The following ASH1L variants were observed in gnomAD, a reference collection of about 807,000 sequenced individuals.
ASH1L encodes histone-lysine N-methyltransferase ASH1L.
Under a neutral mutation model 269.0 loss-of-function variants are expected in ASH1L, and 23 were observed. The ratio of observed to expected loss-of-function variants is 0.09; its 90% CI spans 0.06 to 0.12. The LOEUF (loss-of-function observed/expected upper bound fraction) is 0.12. Among genes scored for constraint, ASH1L ranks in the 10% least tolerant of loss-of-function variants. ASH1L has a pLI of 1.00. For synonymous variants in ASH1L, 1,187 were observed against 1,253.5 expected (o/e 0.95, Z 1.12); for missense variants, 2,912 against 3,567.8 (o/e 0.82, Z 4.68).
At chr1:155,433,400 G>A in intron 5 of ASH1L, 1 of 1,606,088 alleles carries the variant, frequency 6.2e-7, no homozygotes, top group Non-Finnish European at 8.5e-7. Context: ...TGGGGGGATG[G>A]CGTACTGTGG....
At chr1:155,397,590 T>C (rs1216094127) in intron 6 of ASH1L, among the ~76,000 whole-genome samples, 2 of 152,174 alleles carry the variant, frequency 1.3e-5, no homozygotes, top group African/African-American at 4.8e-5. Context: ...CTCACTCTGT[T>C]GCCCAGGCTG....
In ASH1L at chr1:155,479,340, A is replaced by G. The variant is rs779967638; in HGVS notation, c.3530T>C (p.Leu1177Pro). The change falls in exon 3 of 28, where the codon CTC (leucine) becomes CCC (proline). Residue 1177 changes from leucine to proline, a missense_variant. Transcript: ENST00000392403. ...LPNSPSHLSE[L>P]TSLKEATPSP... ...AGGAGTAGCTTCTTTTAGAGATGTG[A>G]GTTCACTCAAGTGCGAAGGAGAATT... 24 of 1,614,008 alleles carry G rather than the reference A, an allele frequency of 1.5e-5. 1 individual carries two copies. The highest frequency in any genetic ancestry group is 1.9e-5 in the Non-Finnish European group (23 of 1,180,030).
At chr1:155,401,970 A>T (rs1388189616) in intron 6 of ASH1L, among the ~76,000 whole-genome samples, 1 of 151,974 alleles carries the variant, frequency 6.6e-6, no homozygotes, top group Admixed American at 6.6e-5. Context: ...GGCGCCTGTT[A>T]TCTCAGCTAC....
chr1:155,379,587 A>G (rs1211933650), intron 8 of ASH1L, among the ~76,000 whole-genome samples: 1 of 152,246 alleles, frequency 6.6e-6, no homozygotes, highest in East Asian at 1.9e-4. Context: ...AGATTTTTTA[A>G]AAGTGCAAGA....
At position 155,562,424 on chromosome 1, in the gene ASH1L, G is replaced by GAGCGGCGGCGGCGGCGGC. The variant is rs1156319022; in HGVS notation, c.-389_-372dup. On this transcript the variant is annotated 5_prime_UTR_variant, in exon 1 of 28. Transcript: ENST00000392403. Reference sequence around the variant, plus strand: ...CAAAGCGAACCCAAAATGGCGGCGGGAGCGGCGGCGGCGGCGGCGGCAGCA... The same window carrying GAGCGGCGGCGGCGGCGGC: ...CAAAGCGAACCCAAAATGGCGGCGGGAGCGGCGGCGGCGGCGGCAGCGGCGGCGGCGGCGGCGGCAGCA... The GAGCGGCGGCGGCGGCGGC allele has an allele frequency of 5.4e-6, 8 of 1,480,428 alleles. No individual in the cohort carries two copies. The Admixed American group carries it at 1.4e-4, about 26-fold the overall frequency. 91.7% of individuals were successfully genotyped at this position (1,480,428 alleles called of 1,614,324 possible). A position where few individuals can be genotyped will look rare whatever the true frequency, so the allele number is the denominator to read the frequency against.
intron 2 of ASH1L, among the ~76,000 whole-genome samples, chr1:155,510,933 G>A (rs1033638743): frequency 2.6e-5 from 4 of 151,936 alleles, no homozygotes; most frequent in Non-Finnish European, 4.4e-5. Flanking sequence ...ATATTACCCA[G>A]AAAAATGACA....
intron 2 of ASH1L, among the ~76,000 whole-genome samples, chr1:155,493,152 T>G (rs528799792): frequency 7.8e-4 from 119 of 152,256 alleles, no homozygotes; most frequent in Non-Finnish European, 1.4e-3. Flanking sequence ...TTCAGTGGGT[T>G]TTTTTTAACT....
At chr1:155,485,306 A>AT (rs1666266743) in intron 2 of ASH1L, among the ~76,000 whole-genome samples, 1 of 150,522 alleles carries the variant, frequency 6.6e-6, no homozygotes, top group Non-Finnish European at 1.5e-5. Flanking sequence ...CTACCTCTCT[A>AT]TTTTTTATTT....
upstream of ASH1L, chr1:155,562,907 A>G (rs1269293108): frequency 3.1e-6 from 1 of 324,664 alleles, no homozygotes; most frequent in African/African-American, 3.2e-5. Context: ...AGCCCCCCCT[A>G]CCACCCTCCA....
chr1:155,552,366 T>C (rs1485366350), intron 1 of ASH1L, among the ~76,000 whole-genome samples: 2 of 152,084 alleles, frequency 1.3e-5, no homozygotes, highest in African/African-American at 4.8e-5. Flanking sequence ...CTCGGGAGGC[T>C]GAGGCAGGAG....
chr1:155,479,675 A>C lies in ASH1L; in HGVS notation c.3195T>G (p.Gly1065=). 1 of 1,614,236 alleles carries C rather than the reference A, an allele frequency of 6.2e-7. No individual in the cohort carries two copies. The change falls in exon 3 of 28, where the codon GGT becomes GGG. Residue 1065 remains glycine (G), a synonymous_variant. Transcript: ENST00000392403. ...PKTVLNGILS[G]SPTSLAVLEQ... Reference sequence around the variant, plus strand: ...CAAGAACAGCAAGGCTAGTAGGACTACCAGAAAGAATACCATTTAAGACAG... The same window carrying C: ...CAAGAACAGCAAGGCTAGTAGGACTCCCAGAAAGAATACCATTTAAGACAG...
At chr1:155,487,560 G>T (rs559901871) in intron 2 of ASH1L, among the ~76,000 whole-genome samples, 3 of 151,846 alleles carry the variant, frequency 2.0e-5, no homozygotes, top group South Asian at 2.1e-4. Context: ...TTGTTTTTTG[G>T]TTTTTTTGTA....
intron 19 of ASH1L, 27 bp from the exon 20 acceptor site, chr1:155,347,931 G>A (rs947935148): frequency 4.3e-6 from 7 of 1,610,950 alleles, no homozygotes; most frequent in Non-Finnish European, 5.9e-6. Context: ...AAGAAATCAT[G>A]TTTGGTTCTC....
In ASH1L at chr1:155,388,106, C is replaced by G; in HGVS notation, c.6103+7353G>C. 2.0e-5 allele frequency among the ~76,000 whole-genome samples: 3 copies of G among 152,230 alleles called. 1 individual carries two copies. The highest frequency in any genetic ancestry group is 6.8e-3 in the Middle Eastern group (2 of 294). ...AGGTGTGAAAGTTGATTAGACAAAA[C>G]GGAATCATTCATACCATATCCAACT... On this transcript the variant is annotated intron_variant, in intron 7 of 27. Coordinates refer to ENST00000392403, the MANE Select transcript of ASH1L (RefSeq NM_018489.3).
intron 2 of ASH1L, among the ~76,000 whole-genome samples, chr1:155,495,518 TA>T (rs1306898913): frequency 6.6e-6 from 1 of 151,964 alleles, no homozygotes; most frequent in Admixed American, 6.6e-5. Flanking sequence ...TTATAGAAAA[TA>T]TAAGTACACC....
intron 7 of ASH1L, among the ~76,000 whole-genome samples, chr1:155,388,778 G>C (rs1317919782): frequency 6.7e-6 from 1 of 148,390 alleles, no homozygotes. Context: ...GGAGTGCGCT[G>C]GTGCAATCAT....
chr1:155,424,184 G>A (rs553844170), intron 5 of ASH1L, among the ~76,000 whole-genome samples: 8 of 152,228 alleles, frequency 5.3e-5, no homozygotes, highest in African/African-American at 1.7e-4. Context: ...GTCTCATAGG[G>A]TCATTCAAGG....
At chr1:155,497,139 A>G (rs748945995) in intron 2 of ASH1L, among the ~76,000 whole-genome samples, 2 of 152,122 alleles carry the variant, frequency 1.3e-5, no homozygotes, top group Non-Finnish European at 2.9e-5. Context: ...ATCTAGTGCC[A>G]ATTTGATTTG....
At chr1:155,344,711 T>TC (rs999848743) in intron 21 of ASH1L, 1 of 157,210 alleles carries the variant, frequency 6.4e-6, no homozygotes, top group African/African-American at 2.4e-5. Context: ...CTTCTTTTTT[T>TC]AAAAATGACT....
Sources: allele counts gnomAD v4.1 joint callset (sites outside exome capture counted in the v4.1 genomes callset), GRCh38; gene constraint gnomAD v4.1.1; transcripts MANE v1.5; gene names NCBI Gene and HGNC (gene_info 2026-07-23, HGNC 2026-07-21).